TUSC3: variants seen among roughly 807,000 people sequenced by gnomAD.
TUSC3 encodes the protein dolichyl-diphosphooligosaccharide--protein glycosyltransferase subunit TUSC3.
Under a neutral mutation model 44.8 loss-of-function variants are expected in TUSC3, and 45 were observed. The ratio of observed to expected loss-of-function variants is 1.00; its 90% CI spans 0.79 to 1.29. TUSC3 has a LOEUF of 1.29. Ranked by LOEUF, TUSC3 falls within the 50% of genes most tolerant of loss-of-function variation. The pLI, the probability that TUSC3 is intolerant of heterozygous loss-of-function variation, is 0.00. For synonymous variants in TUSC3, 212 were observed against 152.9 expected (o/e 1.39, Z -2.85); for missense variants, 519 against 437.9 (o/e 1.19, Z -1.65).
intron 2 of TUSC3, among the ~76,000 whole-genome samples, chr8:15,496,206 T>C (rs1800878326): frequency 6.6e-6 from 1 of 152,210 alleles, no homozygotes; most frequent in African/African-American, 2.4e-5. Context: ...AATCATCTGC[T>C]ACATTTTCTA....
chr8:15,740,581 A>T (rs548500754), intron 7 of TUSC3, among the ~76,000 whole-genome samples: 1 of 152,126 alleles, frequency 6.6e-6, no homozygotes, highest in Non-Finnish European at 1.5e-5. Flanking sequence ...AACATATCAA[A>T]AGATGCTCAG....
At chr8:15,848,893 G>A in the TUSC3 span, among the ~76,000 whole-genome samples, 1 of 152,180 alleles carries the variant, frequency 6.6e-6, no homozygotes, top group Non-Finnish European at 1.5e-5. Context: ...CTAATCTAGT[G>A]CTTAATCGCA....
intron 7 of TUSC3, among the ~76,000 whole-genome samples, chr8:15,741,852 G>T (rs182700964): frequency 6.6e-6 from 1 of 152,212 alleles, no homozygotes; most frequent in East Asian, 1.9e-4. Flanking sequence ...GTAACTCCTT[G>T]TTAAGGATCC....
intron 2 of TUSC3, among the ~76,000 whole-genome samples, chr8:15,627,140 A>G (rs1362600230): frequency 1.3e-5 from 2 of 152,210 alleles, no homozygotes; most frequent in African/African-American, 4.8e-5. Flanking sequence ...AGACAAAGAG[A>G]TGGCTAGCTG....
chr8:15,488,615 G>A (rs1301495875), intron 2 of TUSC3, among the ~76,000 whole-genome samples: 1 of 152,094 alleles, frequency 6.6e-6, no homozygotes, highest in Non-Finnish European at 1.5e-5. Context: ...AGGTCCTTTG[G>A]GAGCTCATTA....
chr8:15,447,508 A>G (rs2129119660), intron 1 of TUSC3, among the ~76,000 whole-genome samples: 1 of 152,302 alleles, frequency 6.6e-6, no homozygotes, highest in South Asian at 2.1e-4. Flanking sequence ...AAATATTTCT[A>G]AATGGAAACA....
intron 1 of TUSC3, among the ~76,000 whole-genome samples, chr8:15,565,953 ATTC>A (rs1324986360): frequency 1.8e-4 from 28 of 152,176 alleles, no homozygotes; most frequent in Non-Finnish European, 3.7e-4. Context: ...AGCTTAATTC[ATTC>A]TTACTAATAA....
intron 1 of TUSC3, among the ~76,000 whole-genome samples, chr8:15,453,395 A>G (rs898634813): frequency 2.0e-5 from 3 of 152,204 alleles, no homozygotes; most frequent in Admixed American, 6.5e-5. Flanking sequence ...CTTTTATGGC[A>G]CCACTAAAAA....
At chr8:15,835,098 A>C in the TUSC3 span, among the ~76,000 whole-genome samples, 1 of 152,148 alleles carries the variant, frequency 6.6e-6, no homozygotes, top group Non-Finnish European at 1.5e-5. Context: ...TTCATCTTTC[A>C]TGCTACTCTT....
intron 1 of TUSC3, among the ~76,000 whole-genome samples, chr8:15,449,452 TG>T (rs1800163987): frequency 6.6e-6 from 1 of 152,118 alleles, no homozygotes; most frequent in South Asian, 2.1e-4. Flanking sequence ...CCATGGCTGG[TG>T]GTCTCTTACC....
At chr8:15,634,776 C>G (rs1259485692) in intron 2 of TUSC3, among the ~76,000 whole-genome samples, 1 of 152,230 alleles carries the variant, frequency 6.6e-6, no homozygotes, top group Non-Finnish European at 1.5e-5. Context: ...TTGTCTCCAT[C>G]TGAGTATCTG....
At chr8:15,573,498 G>A (rs1802971359) in intron 1 of TUSC3, among the ~76,000 whole-genome samples, 1 of 151,876 alleles carries the variant, frequency 6.6e-6, no homozygotes, top group Admixed American at 6.6e-5. Flanking sequence ...TCAGAGCACA[G>A]TAGTTAGCTG....
At chr8:15,831,532 A>T in the TUSC3 span, among the ~76,000 whole-genome samples, 1 of 151,016 alleles carries the variant, frequency 6.6e-6, no homozygotes, top group Admixed American at 6.6e-5. Flanking sequence ...TTGAAACTCA[A>T]TCTAGAAAGC....
At chr8:15,653,094 A>G (rs116099081) in intron 3 of TUSC3, among the ~76,000 whole-genome samples, 2 of 152,122 alleles carry the variant, frequency 1.3e-5, no homozygotes, top group East Asian at 1.9e-4. Context: ...CACTTTTTCA[A>G]AATACTTTTA....
chr8:15,511,974 T>G (rs1296918575), intron 2 of TUSC3, among the ~76,000 whole-genome samples: 5 of 152,120 alleles, frequency 3.3e-5, no homozygotes, highest in African/African-American at 1.2e-4. Flanking sequence ...ACAATCCCCA[T>G]CCAAGTTCCA....
intron 1 of TUSC3, among the ~76,000 whole-genome samples, chr8:15,476,265 A>T (rs1450916660): frequency 6.6e-6 from 1 of 152,222 alleles, no homozygotes; most frequent in African/African-American, 2.4e-5. Flanking sequence ...CGAATTCATC[A>T]TAAATACATT....
Position 15,527,783 on chromosome 8 carries a change from G to C in TUSC3, n.189+44300G>C, listed in dbSNP as rs193164301. On this transcript the variant is annotated intron_variant and non_coding_transcript_variant, in intron 2 of 5. Coordinates refer to the TUSC3 transcript ENST00000503191. Reference sequence around the variant, plus strand: ...ATACAGTAACTAAGCACTAGTTACTGATTATCAATAGACAAAATAAGCTCT... The same window carrying C: ...ATACAGTAACTAAGCACTAGTTACTCATTATCAATAGACAAAATAAGCTCT... 7.3e-4 allele frequency among the ~76,000 whole-genome samples: 111 copies of C among 152,232 alleles called. 1 individual carries two copies. Among genetic ancestry groups the C allele is most frequent in the African/African-American group, 2.6e-3 (106 of 41,560 alleles).
At chr8:15,480,711 A>C (rs1800646839) in intron 1 of TUSC3, among the ~76,000 whole-genome samples, 1 of 152,180 alleles carries the variant, frequency 6.6e-6, no homozygotes, top group African/African-American at 2.4e-5. Context: ...TGTCTCTCTG[A>C]ATGTCCTAAC....
At chr8:15,644,783 A>G (rs1328764415) in intron 2 of TUSC3, among the ~76,000 whole-genome samples, 1 of 152,084 alleles carries the variant, frequency 6.6e-6, no homozygotes, top group East Asian at 1.9e-4. Flanking sequence ...TTTTAATGAT[A>G]TACAGATCTG....
Sources: allele counts gnomAD v4.1 joint callset (sites outside exome capture counted in the v4.1 genomes callset), GRCh38; gene constraint gnomAD v4.1.1; transcripts MANE v1.5; gene names NCBI Gene and HGNC (gene_info 2026-07-23, HGNC 2026-07-21).